The following PCCA variants were observed in gnomAD, a reference collection of about 807,000 sequenced individuals.
PCCA encodes propionyl-CoA carboxylase subunit alpha.
A neutral mutation model predicts 101.3 loss-of-function variants in PCCA; 74 were observed. The ratio of observed to expected loss-of-function variants is 0.73; its 90% CI spans 0.61 to 0.89. The LOEUF is 0.89. Among genes scored for constraint, PCCA ranks in the 40% least tolerant of loss-of-function variants. PCCA has a pLI of 0.00. For missense variants in PCCA, 891 were observed against 907.0 expected (o/e 0.98, Z 0.23); for synonymous variants, 294 against 313.6 (o/e 0.94, Z 0.66).
intron 12 of PCCA, among the ~76,000 whole-genome samples, chr13:100,292,413 A>G (rs1242921006): frequency 6.6e-6 from 1 of 152,222 alleles, no homozygotes; most frequent in East Asian, 1.9e-4. Context: ...AAATGACATT[A>G]ATTATAGCAT....
chr13:100,319,813 A>G (rs1781905072), intron 16 of PCCA, among the ~76,000 whole-genome samples: 1 of 152,194 alleles, frequency 6.6e-6, no homozygotes, highest in African/African-American at 2.4e-5. Context: ...TGTCTTGGCA[A>G]TGTGGGCTCT....
At chr13:100,399,806 A>T (rs188058784) in intron 19 of PCCA, among the ~76,000 whole-genome samples, 4 of 152,232 alleles carry the variant, frequency 2.6e-5, no homozygotes, top group African/African-American at 9.6e-5. Context: ...TATGCAGTGT[A>T]TGTGATGACT....
intron 6 of PCCA, among the ~76,000 whole-genome samples, chr13:100,200,085 C>G (rs562532729): frequency 2.0e-5 from 3 of 151,926 alleles, no homozygotes; most frequent in Non-Finnish European, 4.4e-5. Context: ...ATTTTCTGTT[C>G]CAACTCTTTA....
intron 19 of PCCA, among the ~76,000 whole-genome samples, chr13:100,404,402 T>C (rs1322503188): frequency 6.6e-6 from 1 of 151,988 alleles, no homozygotes; most frequent in Non-Finnish European, 1.5e-5. Flanking sequence ...CTGAGGTGAG[T>C]GTATCATAGT....
intron 12 of PCCA, among the ~76,000 whole-genome samples, chr13:100,288,080 T>C (rs1377395052): frequency 6.6e-6 from 1 of 152,212 alleles, no homozygotes; most frequent in Admixed American, 6.5e-5. Context: ...AAATTGAATC[T>C]GTTTGATTAA....
chr13:100,182,189 C>T (rs1470340512), intron 6 of PCCA, among the ~76,000 whole-genome samples: 6 of 136,476 alleles, frequency 4.4e-5, no homozygotes, highest in East Asian at 4.4e-4. Flanking sequence ...CCTCCACCTC[C>T]CCGTTCAAGC....
intron 22 of PCCA, among the ~76,000 whole-genome samples, chr13:100,521,135 C>T (rs1266271593): frequency 3.3e-5 from 5 of 152,166 alleles, no homozygotes; most frequent in Admixed American, 3.3e-4. Flanking sequence ...TTTGAGCTAA[C>T]TTAGAGGGCA....
At chr13:100,353,513 A>G (rs1327543310) in intron 18 of PCCA, among the ~76,000 whole-genome samples, 2 of 152,254 alleles carry the variant, frequency 1.3e-5, no homozygotes, top group Non-Finnish European at 1.5e-5. Flanking sequence ...TAAGCAATGT[A>G]CTACCAAATA....
intron 12 of PCCA, among the ~76,000 whole-genome samples, chr13:100,299,274 A>G (rs560309640): frequency 2.0e-5 from 3 of 152,310 alleles, no homozygotes; most frequent in African/African-American, 7.2e-5. Flanking sequence ...TTCAAAGTGG[A>G]TCTGATGTAC....
At chr13:100,353,959 AAAG>A (rs1412336092) in intron 18 of PCCA, among the ~76,000 whole-genome samples, 1 of 151,526 alleles carries the variant, frequency 6.6e-6, no homozygotes, top group Non-Finnish European at 1.5e-5. Flanking sequence ...TCTCAAAATA[AAAG>A]AAGAAATAAA....
intron 18 of PCCA, among the ~76,000 whole-genome samples, chr13:100,351,983 C>T (rs978392696): frequency 7.2e-5 from 11 of 151,744 alleles, no homozygotes; most frequent in African/African-American, 1.7e-4. Flanking sequence ...TTGTAATGCC[C>T]GGGGTAACCA....
chr13:100,114,945 G>A (rs1163154752), intron 4 of PCCA, among the ~76,000 whole-genome samples: 9 of 152,090 alleles, frequency 5.9e-5, no homozygotes, highest in Non-Finnish European at 1.3e-4. Flanking sequence ...CTAGCACCAG[G>A]GAAATCAGTA....
intron 21 of PCCA, among the ~76,000 whole-genome samples, chr13:100,485,417 C>CTTATATTATATTATTATAT (rs1433849847): frequency 6.6e-6 from 1 of 152,180 alleles, no homozygotes; most frequent in Non-Finnish European, 1.5e-5. Context: ...ACGCAGATAG[C>CTTATATTATATTATTATAT]ACAACCATAT....
intron 22 of PCCA, among the ~76,000 whole-genome samples, chr13:100,526,201 G>A (rs1207420434): frequency 6.6e-6 from 1 of 152,194 alleles, no homozygotes; most frequent in Non-Finnish European, 1.5e-5. Context: ...ACCCCTGATG[G>A]GGGCCTCTGC....
At chr13:100,301,434 C>T in intron 12 of PCCA, 26 bp from the exon 13 acceptor site, 1 of 1,613,480 alleles carries the variant, frequency 6.2e-7, no homozygotes, top group South Asian at 1.1e-5. Context: ...TCTACACCTA[C>T]TGACTGGCAG....
intron 18 of PCCA, among the ~76,000 whole-genome samples, chr13:100,343,333 C>CA (rs2152759661): frequency 6.6e-6 from 1 of 152,198 alleles, no homozygotes; most frequent in South Asian, 2.1e-4. Flanking sequence ...AGTGGAGAAA[C>CA]AAAATCACAA....
chr13:100,089,127 G>A lies in PCCA; in HGVS notation c.7G>A (p.Gly3Arg). The change falls in exon 1 of 24, where the codon GGG becomes AGG. Residue 3 changes from glycine (G) to arginine (R), a missense_variant. Transcript: ENST00000376285. ...GCGGTCTGCGGGGACAACAATGGCG[G>A]GGTTCTGGGTCGGGACAGCACCGCT... MA[G>R]FWVGTAPLVA... 6.6e-7 allele frequency: 1 copy of A among 1,504,450 alleles called. No homozygotes were observed. Among genetic ancestry groups the A allele is most frequent in the Non-Finnish European group, 8.9e-7 (1 of 1,123,782 alleles). The allele number at this position is 1,504,450 out of a possible 1,614,324, so 93.2% of individuals were successfully genotyped here. A position where few individuals can be genotyped will look rare whatever the true frequency, so the allele number is the denominator to read the frequency against.
At chr13:100,104,445 A>T (rs1476741305) in intron 2 of PCCA, 1 of 152,098 alleles carries the variant, frequency 6.6e-6, no homozygotes. Flanking sequence ...TTCTCATGAC[A>T]GTGAGTTGGT....
In PCCA at chr13:100,201,570, G is replaced by T. The variant is rs13378764; in HGVS notation, c.469-7762G>T. ...TAGATCATGGACTGTACAAAAACAG[G>T]CAGTGAGGCTAGGTGTGGTGGCTGT... On this transcript the variant is annotated intron_variant, in intron 6 of 23. Transcript: ENST00000376285. Among the ~76,000 whole-genome samples the T allele has an allele frequency of 9.6e-4, 146 of 151,928 alleles. 4 individuals are homozygous for T. The South Asian group carries it at 0.028, about 29-fold the overall frequency.
Sources: allele counts gnomAD v4.1 joint callset (sites outside exome capture counted in the v4.1 genomes callset), GRCh38; gene constraint gnomAD v4.1.1; transcripts MANE v1.5; gene names NCBI Gene and HGNC (gene_info 2026-07-23, HGNC 2026-07-21).